LRRC37A3: variants seen among roughly 807,000 people sequenced by gnomAD.
LRRC37A3 encodes leucine-rich repeat-containing protein 37A3.
In LRRC37A3, 25 loss-of-function variants were observed where a neutral mutation model predicts 106.2. The ratio of observed to expected loss-of-function variants is 0.24; its 90% CI spans 0.17 to 0.33. LRRC37A3 has a LOEUF of 0.33. Ranked by LOEUF, LRRC37A3 falls within the 10% of genes least tolerant of loss-of-function variation. The pLI is 1.00. For missense variants in LRRC37A3, 712 were observed against 1,644.9 expected, an observed-to-expected ratio of 0.43 and a Z score of 9.81; for synonymous variants, 305 against 635.8, an observed-to-expected ratio of 0.48 and a Z score of 7.83.
rs1023103927 is a variant in LRRC37A3 at position 64,882,684 on chromosome 17, T to G, written c.2906+3402A>C. 1.3e-3 allele frequency among the ~76,000 whole-genome samples: 197 copies of G among 151,158 alleles called. 1 individual carries two copies. The highest frequency in any genetic ancestry group is 7.9e-3 in the East Asian group (40 of 5,032). On this transcript the variant is annotated intron_variant, in intron 8 of 14. Coordinates refer to ENST00000584306, the MANE Select transcript of LRRC37A3 (RefSeq NM_199340.5). The stretch of plus-strand genomic sequence containing the variant: ...TGGGGGGAACAGTAAGGCATGTTTG[T>G]GACCGAAGCTCAATTTGCCATCACA...
At chr17:64,855,469 G>A (rs2143344393) in intron 14 of LRRC37A3, among the ~76,000 whole-genome samples, 1 of 150,164 alleles carries the variant, frequency 6.7e-6, no homozygotes, top group Admixed American at 6.6e-5. Context: ...GAAAGGGCTG[G>A]GGACAGCAGG....
intron 9 of LRRC37A3, 142 bp downstream of exon 9, chr17:64,868,953 C>T: frequency 6.8e-7 from 1 of 1,461,024 alleles, no homozygotes; most frequent in Non-Finnish European, 9.1e-7. Flanking sequence ...TAATTTTTTT[C>T]TTCGCCAATA....
intron 8 of LRRC37A3, among the ~76,000 whole-genome samples, chr17:64,879,641 A>T (rs1311098307): frequency 6.6e-6 from 1 of 152,152 alleles, no homozygotes; most frequent in African/African-American, 2.4e-5. Context: ...GGATTCTCAA[A>T]CTAGGGCTTT....
rs1215964939 is a variant in LRRC37A3, at chr17:64,896,716, T to C, written c.542A>G (p.Gln181Arg). ...TGTATCTGTACTGGAATATTCATTC[T>C]GCAAAGTCTGTTTCTGACTCTGAGG... ...STPQSQKQTLQNEYSSTDTPY... is the reference protein window; with the variant it reads ...STPQSQKQTLRNEYSSTDTPY... Residue 181 changes from glutamine to arginine, a missense_variant, in exon 4 of 15, where the codon CAG (glutamine) becomes CGG (arginine). Gln to Arg is a conservative substitution (Grantham distance 43, BLOSUM62 1). Transcript: ENST00000584306. 29 of 1,602,810 alleles carry C rather than the reference T, an allele frequency of 1.8e-5. No homozygotes were observed. The highest frequency in any genetic ancestry group is 2.5e-5 in the Non-Finnish European group (29 of 1,179,942).
chr17:64,918,607 T>C (rs1974757639), intron 2 of LRRC37A3, 143 bp downstream of exon 2: 1 of 172,138 alleles, frequency 5.8e-6, no homozygotes, highest in Non-Finnish European at 1.3e-5. Context: ...TTTAAATTAA[T>C]GAGTTTTCAA....
At chr17:64,918,925 A>G (rs1441436225) in intron 1 of LRRC37A3, 55 bp from the exon 2 acceptor site, 2 of 803,084 alleles carry the variant, frequency 2.5e-6, no homozygotes, top group East Asian at 3.8e-5. Context: ...TAGTGACTAC[A>G]CCACTTTGTT....
chr17:64,887,541 C>G (rs1973865965), intron 6 of LRRC37A3, among the ~76,000 whole-genome samples: 1 of 56,838 alleles, frequency 1.8e-5, no homozygotes, highest in Non-Finnish European at 3.5e-5. Context: ...TCTCACATTT[C>G]TACACCTTCT....
chr17:64,854,633 G>A lies in LRRC37A3; in HGVS notation c.4871C>T (p.Ala1624Val). The A allele has an allele frequency of 6.2e-7, 1 of 1,613,722 alleles. No individual in the cohort carries two copies. The highest frequency in any genetic ancestry group is 8.5e-7 in the Non-Finnish European group (1 of 1,179,868). ...DEEGFSRDSE[A>V]PTEEESEALP ...GGCTTCACTCTCCTCCTCCGTTGGG[G>A]CTTCGCTGTCCCTGGGATAAGAATA... is the stretch of plus-strand genomic sequence containing the variant. The change falls in exon 15 of 15, where the codon GCC becomes GTC. Residue 1624 changes from alanine to valine, a missense_variant. Physicochemically the swap from Ala to Val is moderately conservative, Grantham distance 64 (BLOSUM62 0). Coordinates refer to ENST00000584306, the MANE Select transcript of LRRC37A3 (RefSeq NM_199340.5).
intron 10 of LRRC37A3, 33 bp downstream of exon 10, chr17:64,868,429 C>G: frequency 6.2e-7 from 1 of 1,608,506 alleles, no homozygotes. Context: ...GAAACAACTA[C>G]GTAAAAATAA....
At chr17:64,917,494 G>C (rs2665142) in intron 2 of LRRC37A3, among the ~76,000 whole-genome samples, 2 of 151,904 alleles carry the variant, frequency 1.3e-5, no homozygotes, top group African/African-American at 4.8e-5. Context: ...TTATTCATAG[G>C]TGCCACAAAC....
At position 64,860,957 on chromosome 17, in the gene LRRC37A3, T is replaced by G. The variant is rs1972848259; in HGVS notation, c.3189A>C (p.Val1063=). The G allele has an allele frequency of 6.2e-7, 1 of 1,613,858 alleles. No individual in the cohort carries two copies. The highest frequency in any genetic ancestry group is 1.3e-5 in the African/African-American group (1 of 74,900). Residue 1063 remains valine (V), a synonymous_variant, in exon 12 of 15, where the codon GTA becomes GTC. Transcript: ENST00000584306. ...NTTHCPEEAS[V]GNPEGAFMKV... ...TCATGAACGCTCCTTCTGGATTCCC[T>G]ACAGATGCTTCTTCAGCTGTCAAAA...
At chr17:64,914,625 C>G (rs1974663969) in intron 2 of LRRC37A3, among the ~76,000 whole-genome samples, 1 of 150,082 alleles carries the variant, frequency 6.7e-6, no homozygotes, top group Non-Finnish European at 1.5e-5. Context: ...AATCCCAGCA[C>G]TTTGGGAGGC....
intron 13 of LRRC37A3, among the ~76,000 whole-genome samples, chr17:64,856,375 C>A (rs974535869): frequency 1.3e-5 from 2 of 149,982 alleles, no homozygotes; most frequent in East Asian, 1.9e-4. Flanking sequence ...TACTACCACA[C>A]CTGGCTATTT....
At chr17:64,854,952 C>T (rs1360640250) in intron 14 of LRRC37A3, among the ~76,000 whole-genome samples, 1 of 152,222 alleles carries the variant, frequency 6.6e-6, no homozygotes, top group Non-Finnish European at 1.5e-5. Context: ...GTTCTCCTGC[C>T]TCAGCCTCCC....
intron 8 of LRRC37A3, among the ~76,000 whole-genome samples, chr17:64,870,888 C>G (rs979794217): frequency 6.6e-6 from 1 of 151,696 alleles, no homozygotes; most frequent in Non-Finnish European, 1.5e-5. Flanking sequence ...CCTCCCCACC[C>G]AAACAGGGTC....
intron 2 of LRRC37A3, among the ~76,000 whole-genome samples, chr17:64,911,281 TTTTA>T (rs1974584372): frequency 1.4e-5 from 2 of 144,186 alleles, no homozygotes; most frequent in South Asian, 2.4e-4. Context: ...CTTCTTTTAC[TTTTA>T]TTTTAGAGCA....
chr17:64,856,382 AT>A (rs552690587), intron 13 of LRRC37A3, among the ~76,000 whole-genome samples: 4 of 143,298 alleles, frequency 2.8e-5, no homozygotes, highest in African/African-American at 8.5e-5. Context: ...ACACCTGGCT[AT>A]TTTTTTTTTA....
Position 64,912,560 on chromosome 17 carries a change from CA to C in LRRC37A3, c.-496+6189del, listed in dbSNP as rs1206735260. ...AACACTAAAAAATATTCAGTTAATC[CA>C]AAAATAGGCAGAAAAAAGAAACAGA... On this transcript the variant is annotated intron_variant, in intron 2 of 14. Transcript: ENST00000584306. 1.3e-5 allele frequency among the ~76,000 whole-genome samples: 2 copies of C among 151,594 alleles called. 1 individual carries two copies. Among genetic ancestry groups the C allele is most frequent in the South Asian group, 4.2e-4 (2 of 4,804 alleles).
chr17:64,916,972 G>A (rs1364393133), intron 2 of LRRC37A3, among the ~76,000 whole-genome samples: 53 of 149,974 alleles, frequency 3.5e-4, no homozygotes, highest in Admixed American at 2.4e-3. Context: ...GAGGCCGGGC[G>A]CAGTGGCTCA....
Sources: allele counts gnomAD v4.1 joint callset (sites outside exome capture counted in the v4.1 genomes callset), GRCh38; gene constraint gnomAD v4.1.1; transcripts MANE v1.5; gene names NCBI Gene and HGNC (gene_info 2026-07-23, HGNC 2026-07-21).